Variants in PLXDC2 observed in about 807,000 individuals in gnomAD.
The protein encoded by PLXDC2 is plexin domain containing 2, also known as plexin domain-containing protein 2.
PLXDC2 carries 40 observed loss-of-function variants against 68.9 expected under a neutral mutation model. That is an observed-to-expected ratio of 0.58 (90% confidence interval 0.45 to 0.76). The LOEUF is 0.76. PLXDC2 is among the 30% of genes least tolerant of loss of function. PLXDC2 has a pLI of 0.00. For synonymous variants in PLXDC2, 243 were observed against 234.2 expected (o/e 1.04, Z -0.34); for missense variants, 644 against 661.9 (o/e 0.97, Z 0.30).
At chr10:20,163,198 G>T (rs1466884140) in intron 6 of PLXDC2, among the ~76,000 whole-genome samples, 1 of 152,102 alleles carries the variant, frequency 6.6e-6, no homozygotes, top group East Asian at 1.9e-4. Flanking sequence ...CACAAAATTT[G>T]CAAACACTTT....
intron 6 of PLXDC2, among the ~76,000 whole-genome samples, chr10:20,151,156 G>A (rs956224041): frequency 6.6e-6 from 1 of 151,998 alleles, no homozygotes; most frequent in African/African-American, 2.4e-5. Flanking sequence ...TTTTGCTAAG[G>A]CAAATTGTTA....
intron 1 of PLXDC2, among the ~76,000 whole-genome samples, chr10:19,932,063 A>G (rs1409050820): frequency 6.6e-6 from 1 of 152,012 alleles, no homozygotes; most frequent in African/African-American, 2.4e-5. Flanking sequence ...GATACTGTGT[A>G]TCACATGCTG....
intron 6 of PLXDC2, among the ~76,000 whole-genome samples, chr10:20,153,794 T>C (rs1382505779): frequency 6.6e-6 from 1 of 152,122 alleles, no homozygotes; most frequent in Non-Finnish European, 1.5e-5. Flanking sequence ...TCCAAAGAAA[T>C]ATGACTCTAA....
chr10:19,906,268 G>T (rs1420021782), intron 1 of PLXDC2, among the ~76,000 whole-genome samples: 3 of 152,108 alleles, frequency 2.0e-5, no homozygotes, highest in Admixed American at 2.0e-4. Context: ...GAAACAATTG[G>T]CACTGAGTGA....
In PLXDC2 at chr10:20,138,982, C is replaced by T. The variant is rs562661277; in HGVS notation, c.542-4313C>T. Among the ~76,000 whole-genome samples the T allele has an allele frequency of 9.9e-5, 15 of 152,104 alleles. No homozygotes were observed. The East Asian group carries it at 2.9e-3, about 29-fold the overall frequency. On this transcript the variant is annotated intron_variant, in intron 4 of 13. Transcript: ENST00000377252. ...CTATATAGATACTGGTTAATTTCAC[C>T]ATTATCAGAATAATATTTTTTCAGA...
chr10:20,231,899 C>T (rs1417059088), intron 12 of PLXDC2, among the ~76,000 whole-genome samples: 1 of 152,048 alleles, frequency 6.6e-6, no homozygotes, highest in African/African-American at 2.4e-5. Context: ...CGCCTGTAGT[C>T]CCAGCTATGT....
intron 9 of PLXDC2, among the ~76,000 whole-genome samples, chr10:20,183,242 C>T (rs1353780553): frequency 6.6e-6 from 1 of 151,824 alleles, no homozygotes; most frequent in Non-Finnish European, 1.5e-5. Context: ...ATTGTAGAAT[C>T]ATTATCATAT....
At chr10:20,262,834 T>C (rs1835826348) in intron 13 of PLXDC2, among the ~76,000 whole-genome samples, 1 of 152,126 alleles carries the variant, frequency 6.6e-6, no homozygotes, top group African/African-American at 2.4e-5. Context: ...TGGGGCCCAT[T>C]CCCATATCTC....
At chr10:20,144,769 A>G (rs757039645) in intron 5 of PLXDC2, among the ~76,000 whole-genome samples, 14 of 152,204 alleles carry the variant, frequency 9.2e-5, no homozygotes, top group Middle Eastern at 3.4e-3. Flanking sequence ...AACACTGACT[A>G]TTTTCCAAAC....
chr10:19,956,388 A>G (rs1291335271), intron 1 of PLXDC2, among the ~76,000 whole-genome samples: 1 of 152,204 alleles, frequency 6.6e-6, no homozygotes, highest in Admixed American at 6.5e-5. Context: ...TGACAGGTTT[A>G]CTGGAATATA....
chr10:20,123,067 A>C (rs1259522210), intron 4 of PLXDC2, among the ~76,000 whole-genome samples: 1 of 152,276 alleles, frequency 6.6e-6, no homozygotes, highest in East Asian at 1.9e-4. Flanking sequence ...TTTTAAGAGT[A>C]AATTGCTGGG....
chr10:20,256,357 T>C (rs1406475862), intron 13 of PLXDC2, among the ~76,000 whole-genome samples: 22 of 151,644 alleles, frequency 1.5e-4, no homozygotes, highest in Admixed American at 1.5e-3. Flanking sequence ...AGTCTCAAAC[T>C]CCTGACCTCA....
intron 2 of PLXDC2, among the ~76,000 whole-genome samples, chr10:20,045,959 G>C (rs184069543): frequency 1.3e-5 from 2 of 151,956 alleles, no homozygotes; most frequent in Admixed American, 1.3e-4. Context: ...CACTGAGTGG[G>C]AACCATGAAG....
At chr10:19,853,465 A>T (rs972468552) in intron 1 of PLXDC2, among the ~76,000 whole-genome samples, 1 of 151,940 alleles carries the variant, frequency 6.6e-6, no homozygotes, top group African/African-American at 2.4e-5. Context: ...TATGTTGCCA[A>T]GGCTGATATT....
intron 4 of PLXDC2, among the ~76,000 whole-genome samples, chr10:20,112,889 A>G (rs1245292016): frequency 6.6e-6 from 1 of 152,226 alleles, no homozygotes; most frequent in Non-Finnish European, 1.5e-5. Flanking sequence ...CTCATTGCTT[A>G]AGGTTTTCTT....
intron 2 of PLXDC2, among the ~76,000 whole-genome samples, chr10:20,003,007 T>C (rs1834968597): frequency 6.6e-6 from 1 of 152,058 alleles, no homozygotes; most frequent in Non-Finnish European, 1.5e-5. Flanking sequence ...TGGTTGGAGC[T>C]ATGAAGCGGA....
Position 20,278,839 on chromosome 10 carries a change from G to A in PLXDC2, c.1474-864G>A, listed in dbSNP as rs181970526. 2.6e-5 allele frequency among the ~76,000 whole-genome samples: 4 copies of A among 152,206 alleles called. No homozygotes were observed. In the East Asian group the frequency reaches 7.7e-4, roughly 29 times the overall value. ...CATCTTATTTAGCCCAAAATTGCAG[G>A]CACTTTGAAAAATGGAGTAATAGTT... On this transcript the variant is annotated intron_variant, in intron 13 of 13. Coordinates refer to ENST00000377252, the MANE Select transcript of PLXDC2 (RefSeq NM_032812.9).
At chr10:20,055,074 G>A (rs1479463526) in intron 3 of PLXDC2, among the ~76,000 whole-genome samples, 1 of 152,104 alleles carries the variant, frequency 6.6e-6, no homozygotes, top group African/African-American at 2.4e-5. Flanking sequence ...AAATGAAATG[G>A]TTGAAGTGTT....
intron 6 of PLXDC2, among the ~76,000 whole-genome samples, chr10:20,162,123 G>GGAAAGAAA (rs1834307945): frequency 7.7e-6 from 1 of 130,328 alleles, no homozygotes; most frequent in South Asian, 2.4e-4. Context: ...AAGGAAGGAA[G>GGAAAGAAA]GAAGGAAAGA....
Sources: gnomAD v4.1 joint callset for allele counts (sites outside exome capture counted in the v4.1 genomes callset) on GRCh38, gnomAD v4.1.1 for gene constraint, MANE v1.5 for transcripts, NCBI Gene and HGNC (gene_info 2026-07-23, HGNC 2026-07-21) for gene names.